The following SATL1 variants were observed in gnomAD, a reference collection of about 807,000 sequenced individuals.
SATL1 encodes the protein spermidine/spermine N(1)-acetyltransferase-like protein 1.
SATL1 carries 47 observed loss-of-function variants against 51.8 expected under a neutral mutation model. That is an observed-to-expected ratio of 0.91 (90% CI 0.72 to 1.16). The LOEUF (loss-of-function observed/expected upper bound fraction) is 1.16. SATL1 is among the 50% of genes most tolerant of loss of function. The pLI is 0.00. For missense variants in SATL1, 520 were observed against 526.4 expected, an observed-to-expected ratio of 0.99 and a Z score of 0.12; for synonymous variants, 176 against 182.4, an observed-to-expected ratio of 0.97 and a Z score of 0.28.
intron 1 of SATL1, among the ~76,000 whole-genome samples, chrX:85,228,577 A>AG (rs1727729226): frequency 9.0e-6 from 1 of 111,053 alleles, no homozygotes; most frequent in Non-Finnish European, 1.9e-5. Flanking sequence ...TTTCACACCT[A>AG]CCACTCCACT....
chrX:85,095,069 C>A (rs1924663139), intron 4 of SATL1, 73 bp from the exon 5 acceptor site: 1 of 566,504 alleles, frequency 1.8e-6, no homozygotes, highest in African/African-American at 2.2e-5. Flanking sequence ...ATAGGAAGCA[C>A]TAGGAATTTC....
intron 2 of SATL1, among the ~76,000 whole-genome samples, chrX:85,206,155 A>T (rs1218789757): frequency 8.9e-6 from 1 of 111,933 alleles, no homozygotes; most frequent in Non-Finnish European, 1.9e-5. Context: ...TAGTGAATAG[A>T]CAGTTGGATA....
At chrX:85,098,159 A>G (rs747741796) in intron 4 of SATL1, among the ~76,000 whole-genome samples, 21 of 112,319 alleles carry the variant, frequency 1.9e-4, no homozygotes, top group Non-Finnish European at 3.4e-4. Flanking sequence ...GCAAATAGTA[A>G]CTGAAAGAGA....
At chrX:85,167,461 A>T (rs1926867782) in intron 2 of SATL1, among the ~76,000 whole-genome samples, 1 of 111,526 alleles carries the variant, frequency 9.0e-6, no homozygotes, top group African/African-American at 3.3e-5. Context: ...AGATATTACC[A>T]CTGATGTCAC....
intron 2 of SATL1, among the ~76,000 whole-genome samples, chrX:85,183,806 C>A (rs1927257872): frequency 9.0e-6 from 1 of 111,201 alleles, no homozygotes; most frequent in Admixed American, 9.6e-5. Flanking sequence ...CCAATTATAT[C>A]TTTTTGTTAT....
At chrX:85,207,279 A>T (rs987088006) in intron 2 of SATL1, 2 of 111,471 alleles carry the variant, frequency 1.8e-5, no homozygotes, top group South Asian at 7.5e-4. Context: ...TACAGTCTTT[A>T]TTCTGTAACA....
rs758311102 is a variant in SATL1, at chrX:85,235,300, G to A, written c.-435+8288C>T. On this transcript the variant is annotated intron_variant, in intron 1 of 7. Transcript: ENST00000644105. Reference sequence around the variant, plus strand: ...CATTTTAGCATGAGACAGATCATCCGTACAAAAAATCAACAAAGAAACATT... The same window carrying A: ...CATTTTAGCATGAGACAGATCATCCATACAAAAAATCAACAAAGAAACATT... Among the ~76,000 whole-genome samples the A allele has an allele frequency of 9.6e-4, 106 of 110,474 alleles. 1 individual carries two copies. The highest frequency in any genetic ancestry group is 2.9e-3 in the African/African-American group (89 of 30,563).
intron 2 of SATL1, among the ~76,000 whole-genome samples, chrX:85,149,595 A>C (rs2147719979): frequency 8.9e-6 from 1 of 112,004 alleles, no homozygotes; most frequent in South Asian, 3.8e-4. Context: ...GTAAAAGAAC[A>C]GAAATTATAA....
At chrX:85,095,194 G>A (rs1388226387) in intron 4 of SATL1, among the ~76,000 whole-genome samples, 198 bp from the exon 5 acceptor site, 2 of 112,174 alleles carry the variant, frequency 1.8e-5, no homozygotes. Flanking sequence ...GTCAACTGCA[G>A]TTAATTTGGA....
At chrX:85,148,483 C>T (rs1240420253) in intron 2 of SATL1, among the ~76,000 whole-genome samples, 1 of 110,080 alleles carries the variant, frequency 9.1e-6, no homozygotes, top group Non-Finnish European at 1.9e-5. Context: ...AGATATTCCT[C>T]GAGAAGAGCA....
intron 4 of SATL1, among the ~76,000 whole-genome samples, chrX:85,097,064 T>C (rs780959830): frequency 8.9e-6 from 1 of 111,781 alleles, no homozygotes; most frequent in East Asian, 2.8e-4. Flanking sequence ...AGTCGACCCT[T>C]GAACAACATG....
intron 4 of SATL1, among the ~76,000 whole-genome samples, chrX:85,098,316 C>A: frequency 9.0e-6 from 1 of 111,043 alleles, no homozygotes; most frequent in Non-Finnish European, 1.9e-5. Context: ...ATCACAGCTC[C>A]AAAATATATG....
At chrX:85,142,026 C>T (rs1926119378) in intron 2 of SATL1, among the ~76,000 whole-genome samples, 2 of 99,205 alleles carry the variant, frequency 2.0e-5, no homozygotes, top group South Asian at 1.4e-3. Context: ...ACTGCAATTA[C>T]TTTGGCACCA....
chrX:85,195,493 T>G (rs1298929413), intron 2 of SATL1, among the ~76,000 whole-genome samples: 1 of 111,556 alleles, frequency 9.0e-6, no homozygotes, highest in African/African-American at 3.3e-5. Context: ...GGATTAGAAC[T>G]GGAAACAAAC....
intron 2 of SATL1, among the ~76,000 whole-genome samples, chrX:85,120,192 A>G (rs564889478): frequency 9.0e-6 from 1 of 111,179 alleles, no homozygotes; most frequent in African/African-American, 3.3e-5. Flanking sequence ...GTTGAGGTGA[A>G]ATGGGGCAGA....
intron 2 of SATL1, among the ~76,000 whole-genome samples, chrX:85,133,627 C>A (rs1925873977): frequency 8.9e-6 from 1 of 111,865 alleles, no homozygotes; most frequent in Admixed American, 9.4e-5. Flanking sequence ...AATGCCCCAC[C>A]CTGCTTCATC....
intron 4 of SATL1, among the ~76,000 whole-genome samples, chrX:85,100,384 G>T (rs1924862829): frequency 9.0e-6 from 1 of 111,634 alleles, no homozygotes; most frequent in Admixed American, 9.5e-5. Context: ...AATAAGTTGT[G>T]TTTCTATATA....
At chrX:85,164,445 C>G (rs1282085840) in intron 2 of SATL1, among the ~76,000 whole-genome samples, 1 of 111,674 alleles carries the variant, frequency 9.0e-6, no homozygotes, top group Non-Finnish European at 1.9e-5. Context: ...GTGGTGAATG[C>G]TCTTAGCATT....
chrX:85,102,076 T>G (rs1021631310), intron 4 of SATL1, among the ~76,000 whole-genome samples: 4 of 63,649 alleles, frequency 6.3e-5, no homozygotes, highest in African/African-American at 2.0e-4. Flanking sequence ...TTTTAAATTT[T>G]ATTTATTTAT....
Sources: allele counts gnomAD v4.1 joint callset (sites outside exome capture counted in the v4.1 genomes callset), GRCh38; gene constraint gnomAD v4.1.1; transcripts MANE v1.5; gene names NCBI Gene and HGNC (gene_info 2026-07-23, HGNC 2026-07-21).